Variants in CCP110 observed in about 807,000 individuals in gnomAD.
CCP110 encodes the protein centriolar coiled-coil protein 110, also known as centriolar coiled-coil protein of 110 kDa.
Under a neutral mutation model 105.5 loss-of-function variants are expected in CCP110, and 43 were observed. That is an observed-to-expected ratio of 0.41 (90% confidence interval 0.32 to 0.53). CCP110 has a LOEUF of 0.53. Among genes scored for constraint, CCP110 ranks in the 20% least tolerant of loss-of-function variants. The probability of loss-of-function intolerance (pLI) is 0.32; values close to 1 mark genes in which losing one functional copy is unlikely to be tolerated. For missense variants in CCP110, 1,016 were observed against 1,189.1 expected (o/e 0.85, Z 2.14); for synonymous variants, 353 against 392.1 (o/e 0.90, Z 1.18).
chr16:19,528,743 T>TA (rs1969762238), intron 2 of CCP110, among the ~76,000 whole-genome samples: 1 of 152,056 alleles, frequency 6.6e-6, no homozygotes, highest in Non-Finnish European at 1.5e-5. Context: ...AAAAACATGT[T>TA]AAAAAATTAG....
intron 3 of CCP110, among the ~76,000 whole-genome samples, chr16:19,535,479 C>A (rs146359379): frequency 2.0e-5 from 3 of 152,098 alleles, no homozygotes; most frequent in African/African-American, 7.2e-5. Context: ...GAGAGGGAAT[C>A]GTTTACGTAA....
rs774734371 is a variant in CCP110 at position 19,529,048 on chromosome 16, T to C, written c.141+1026T>C. Among the ~76,000 whole-genome samples, 63 of 152,234 alleles carry C rather than the reference T, an allele frequency of 4.1e-4. 1 individual carries two copies. Among genetic ancestry groups the C allele is most frequent in the Non-Finnish European group, 7.3e-4 (50 of 68,040 alleles). On this transcript the variant is annotated intron_variant, in intron 2 of 14. Transcript: ENST00000381396. ...AACTTGTGGTCCATTTTCTTATTTG[T>C]TAAATGGGGATAAAATAGTGCCTAC...
rs141088765 is a variant in CCP110 at position 19,548,353 on chromosome 16, A to T, written c.2901-162A>T. 1.4e-5 allele frequency: 8 copies of T among 590,784 alleles called. No individual in the cohort carries two copies. Among genetic ancestry groups the T allele is most frequent in the African/African-American group, 1.1e-4 (6 of 53,766 alleles). 36.6% of individuals were successfully genotyped at this position (590,784 alleles called of 1,614,324 possible). On this transcript the variant is annotated intron_variant, in intron 13 of 14. Transcript: ENST00000381396. This position sits in a 1 kb window ranked among gnomAD's most constrained non-coding sequence, Gnocchi z 4.1. ...ACTCGTGCTTATAGTCTCCTGCTGA[A>T]GCCAGAGTTTAGCTTTCCTTACTGT... is the stretch of plus-strand genomic sequence containing the variant.
At chr16:19,544,870 C>A in exon 9 of CCP110, 1 of 1,597,862 alleles carries the variant, frequency 6.3e-7, no homozygotes, top group Non-Finnish European at 8.6e-7. Flanking sequence ...GCTCAAGATG[C>A]TTCACTTCAG....
At chr16:19,542,549 G>C (rs946055710) in intron 6 of CCP110, 72 bp from the exon 7 acceptor site, 7 of 1,149,568 alleles carry the variant, frequency 6.1e-6, no homozygotes, top group Non-Finnish European at 6.4e-6. Context: ...AGTGTCACAA[G>C]TGTTTATTGG....
Position 19,545,083 on chromosome 16 carries a change from C to G in CCP110, c.2587-11C>G. ...TTAAATGTATACAATATTTTCTTCT[C>G]TTGTGCCTAGTTGCGAGCTGCCTTG... On this transcript the variant is annotated splice_polypyrimidine_tract_variant and intron_variant, in intron 9 of 14. Transcript: ENST00000381396. The G allele has an allele frequency of 6.6e-7, 1 of 1,526,034 alleles. No individual in the cohort carries two copies. Among genetic ancestry groups the G allele is most frequent in the Non-Finnish European group, 9.0e-7 (1 of 1,106,830 alleles). The allele number at this position is 1,526,034 out of a possible 1,614,324, so 94.5% of individuals were successfully genotyped here. A position where few individuals can be genotyped will look rare whatever the true frequency, so the allele number is the denominator to read the frequency against.
chr16:19,534,795 C>A (rs73527782), intron 3 of CCP110, among the ~76,000 whole-genome samples: 1 of 149,396 alleles, frequency 6.7e-6, no homozygotes, highest in African/African-American at 2.5e-5. Flanking sequence ...GGATTTGTAA[C>A]GTAAAATAGG....
intron 3 of CCP110, among the ~76,000 whole-genome samples, chr16:19,535,315 T>C (rs1970012985): frequency 6.6e-6 from 1 of 151,716 alleles, no homozygotes; most frequent in South Asian, 2.1e-4. Context: ...ATTATTTAGA[T>C]ACAAAATATC....
intron 14 of CCP110, among the ~76,000 whole-genome samples, chr16:19,549,966 C>A (rs931554189): frequency 6.6e-6 from 1 of 152,126 alleles, no homozygotes; most frequent in African/African-American, 2.4e-5. Context: ...TAGTAACATA[C>A]AATGAAGTTC....
intron 2 of CCP110, among the ~76,000 whole-genome samples, chr16:19,530,130 G>T (rs1042427859): frequency 1.3e-5 from 2 of 152,064 alleles, no homozygotes; most frequent in African/African-American, 4.8e-5. Flanking sequence ...CCGGGAGGCT[G>T]AGGCTGCGGT....
chr16:19,524,869 T>A (rs1567344505), intron 1 of CCP110: 1 of 152,238 alleles, frequency 6.6e-6, no homozygotes, highest in Non-Finnish European at 1.5e-5. Flanking sequence ...ATCATTATCC[T>A]CTTAATAAGA....
Position 19,548,276 on chromosome 16 carries a change from A to G in CCP110, c.2901-239A>G, listed in dbSNP as rs1970526555. ...CCATTTTACTCATAAAGTATTTTAA[A>G]TATCCATATAGTAAATTCAGCATCA... On this transcript the variant is annotated intron_variant, in intron 13 of 14. Coordinates refer to ENST00000381396, the Ensembl canonical transcript of CCP110. This position sits in a 1 kb window ranked among gnomAD's most constrained non-coding sequence, Gnocchi z 4.1. 1.7e-6 allele frequency: 1 copy of G among 575,408 alleles called. No homozygotes were observed. Among genetic ancestry groups the G allele is most frequent in the Non-Finnish European group, 3.1e-6 (1 of 327,418 alleles). The allele number at this position is 575,408 out of a possible 1,614,324, so 35.6% of individuals were successfully genotyped here.
Position 19,535,661 on chromosome 16 carries a change from T to A in CCP110, c.271-279T>A, listed in dbSNP as rs115916884. Among the ~76,000 whole-genome samples the A allele has an allele frequency of 2.5e-3, 375 of 152,272 alleles. 2 individuals are homozygous for A. The highest frequency in any genetic ancestry group is 8.7e-3 in the African/African-American group (360 of 41,498). ...GAATATATGTGTGTGTGTATACACA[T>A]ATATATGTTCATATTTGTATCAGAT... On this transcript the variant is annotated intron_variant, in intron 3 of 14. Coordinates refer to ENST00000381396, the Ensembl canonical transcript of CCP110.
At chr16:19,523,988 C>G (rs1969574297) in exon 1 of CCP110, 1 of 153,860 alleles carries the variant, frequency 6.5e-6, no homozygotes, top group Non-Finnish European at 1.4e-5. Context: ...GAGAAGGCGG[C>G]GGCGGACCGA....
intron 4 of CCP110, 42 bp downstream of exon 4, chr16:19,537,629 C>T: frequency 8.9e-7 from 1 of 1,121,478 alleles, no homozygotes; most frequent in Non-Finnish European, 1.3e-6. Flanking sequence ...TATGCAGATA[C>T]CTTTATTTTA....
chr16:19,536,542 C>G, exon 4 of CCP110: 2 of 1,614,146 alleles, frequency 1.2e-6, no homozygotes, highest in South Asian at 1.1e-5. Context: ...TTATTCCTGA[C>G]AAACCAAGCC....
intron 11 of CCP110, 75 bp downstream of exon 11, chr16:19,545,965 T>G (rs1047609267): frequency 1.3e-5 from 11 of 835,726 alleles, no homozygotes; most frequent in Admixed American, 2.1e-5. Flanking sequence ...ATTTGCATAT[T>G]TAAATTTAGA....
exon 4 of CCP110, chr16:19,536,302 G>C: frequency 6.2e-7 from 1 of 1,613,258 alleles, no homozygotes; most frequent in South Asian, 1.1e-5. Context: ...ATGAACAACA[G>C]GATCTACCAC....
At chr16:19,534,545 A>G (rs1567352021) in intron 3 of CCP110, among the ~76,000 whole-genome samples, 1 of 152,240 alleles carries the variant, frequency 6.6e-6, no homozygotes, top group East Asian at 1.9e-4. Context: ...ACGTAAGGAA[A>G]TCATCTGTTT....
Sources: allele counts gnomAD v4.1 joint callset (sites outside exome capture counted in the v4.1 genomes callset), GRCh38; gene constraint gnomAD v4.1.1; non-coding constraint Gnocchi (gnomAD v3.1); transcripts MANE v1.5; gene names NCBI Gene and HGNC (gene_info 2026-07-23, HGNC 2026-07-21).